Variants in SLC25A21 observed in about 807,000 individuals in gnomAD.
The protein encoded by SLC25A21 is solute carrier family 25 member 21, also known as mitochondrial 2-oxodicarboxylate carrier.
A neutral mutation model predicts 43.8 loss-of-function variants in SLC25A21; 47 were observed. The ratio of observed to expected loss-of-function variants is 1.07; its 90% CI spans 0.85 to 1.37. The LOEUF (loss-of-function observed/expected upper bound fraction) is 1.37, where lower values mean the gene tolerates loss of function less well. SLC25A21 is among the 40% of genes most tolerant of loss of function. SLC25A21 has a pLI of 0.00. For missense variants in SLC25A21, 352 were observed against 350.2 expected, an observed-to-expected ratio of 1.00 and a Z score of -0.04; for synonymous variants, 131 against 121.3, an observed-to-expected ratio of 1.08 and a Z score of -0.52.
intron 2 of SLC25A21, among the ~76,000 whole-genome samples, chr14:36,826,362 A>G (rs848069): frequency 0.96 from 146,000 of 152,188 alleles, 70,322 homozygotes; most frequent in East Asian, 1. Flanking sequence ...GCCTCACATT[A>G]CTTTTCTGGT....
intron 1 of SLC25A21, among the ~76,000 whole-genome samples, chr14:36,973,184 C>T (rs1190564279): frequency 6.6e-6 from 1 of 151,896 alleles, no homozygotes. Context: ...AGTGTTAGAG[C>T]CACATTTTAG....
At chr14:36,735,869 A>G (rs1442766072) in intron 3 of SLC25A21, among the ~76,000 whole-genome samples, 2 of 139,388 alleles carry the variant, frequency 1.4e-5, no homozygotes, top group Admixed American at 1.5e-4. Context: ...AAGCTTATGG[A>G]TCTCATAAAG....
intron 1 of SLC25A21, among the ~76,000 whole-genome samples, chr14:37,116,377 C>T (rs1290712103): frequency 6.6e-6 from 1 of 152,174 alleles, no homozygotes; most frequent in Non-Finnish European, 1.5e-5. Flanking sequence ...TCTTACAACA[C>T]TTAAGATACA....
intron 7 of SLC25A21, among the ~76,000 whole-genome samples, chr14:36,685,247 A>G (rs1882484510): frequency 6.6e-6 from 1 of 152,236 alleles, no homozygotes; most frequent in Non-Finnish European, 1.5e-5. Context: ...GTATTACTGT[A>G]TCAAAACAGG....
chr14:37,024,334 T>C (rs1961048065), intron 1 of SLC25A21, among the ~76,000 whole-genome samples: 1 of 152,126 alleles, frequency 6.6e-6, no homozygotes, highest in South Asian at 2.1e-4. Context: ...TGTCTAATGG[T>C]AGTGTCATTG....
Position 36,758,507 on chromosome 14 carries a change from G to A in SLC25A21, c.204-23934C>T, listed in dbSNP as rs1423730927. Among the ~76,000 whole-genome samples the A allele has an allele frequency of 3.3e-5, 5 of 149,572 alleles. No individual in the cohort carries two copies. In the Admixed American group the frequency reaches 3.4e-4, roughly 10 times the overall value. On this transcript the variant is annotated intron_variant, in intron 3 of 9. Coordinates refer to ENST00000331299, the MANE Select transcript of SLC25A21 (RefSeq NM_030631.4). ...AGTCAGGACTCCGGGCATGTTTGGA[G>A]ATACTGGAAAGGATTCTGTGTTGAA... is the stretch of plus-strand genomic sequence containing the variant.
At chr14:37,040,289 A>AGGG (rs1412453395) in intron 1 of SLC25A21, among the ~76,000 whole-genome samples, 1 of 49,978 alleles carries the variant, frequency 2.0e-5, no homozygotes, top group Non-Finnish European at 3.5e-5. Flanking sequence ...GAAGGAAGGA[A>AGGG]AGAGAGAGAA....
intron 3 of SLC25A21, among the ~76,000 whole-genome samples, chr14:36,813,487 G>A (rs191386145): frequency 1.6e-4 from 24 of 152,006 alleles, no homozygotes; most frequent in East Asian, 1.9e-4. Flanking sequence ...AGCCTCCCAA[G>A]CAGCTGGAAC....
intron 2 of SLC25A21, among the ~76,000 whole-genome samples, chr14:36,821,207 C>G (rs848074): frequency 1 from 152,174 of 152,288 alleles, 76,030 homozygotes; most frequent in Non-Finnish European, 1. Flanking sequence ...ATGTATGTTT[C>G]TTTCCCATTT....
chr14:36,909,260 A>C (rs1264538555), intron 1 of SLC25A21, among the ~76,000 whole-genome samples: 2 of 152,146 alleles, frequency 1.3e-5, no homozygotes, highest in Non-Finnish European at 2.9e-5. Flanking sequence ...CGCAGTTAGA[A>C]GCCTTGCACA....
chr14:36,749,778 T>C (rs760495965), intron 3 of SLC25A21, among the ~76,000 whole-genome samples: 5 of 152,178 alleles, frequency 3.3e-5, no homozygotes, highest in African/African-American at 4.8e-5. Context: ...ACTGTTCACC[T>C]CCTTCACATC....
chr14:37,070,637 T>G (rs1158492110), intron 1 of SLC25A21, among the ~76,000 whole-genome samples: 1 of 152,214 alleles, frequency 6.6e-6, no homozygotes, highest in East Asian at 1.9e-4. Context: ...CTCTGTACCC[T>G]CTCACTTTAA....
intron 1 of SLC25A21, among the ~76,000 whole-genome samples, chr14:37,027,256 T>G (rs1329393992): frequency 2.0e-5 from 1 of 49,084 alleles, no homozygotes; most frequent in African/African-American, 4.7e-4. Flanking sequence ...AATACATCTA[T>G]TATCTAGCTA....
intron 1 of SLC25A21, among the ~76,000 whole-genome samples, chr14:36,885,203 T>C (rs572300970): frequency 1.3e-5 from 2 of 152,340 alleles, no homozygotes; most frequent in African/African-American, 4.8e-5. Flanking sequence ...TTCCCAACAC[T>C]ATTTATTGAA....
At chr14:36,844,009 C>T (rs965674865) in intron 2 of SLC25A21, among the ~76,000 whole-genome samples, 1 of 152,140 alleles carries the variant, frequency 6.6e-6, no homozygotes, top group African/African-American at 2.4e-5. Context: ...CAAAATGCTT[C>T]CTTACCATTT....
chr14:36,953,020 A>C (rs1161667652), intron 1 of SLC25A21, among the ~76,000 whole-genome samples: 1 of 152,160 alleles, frequency 6.6e-6, no homozygotes, highest in African/African-American at 2.4e-5. Flanking sequence ...TCATTTTGCT[A>C]TTCTACCTCT....
intron 1 of SLC25A21, among the ~76,000 whole-genome samples, chr14:37,137,182 A>ATTT (rs1963496517): frequency 1.3e-5 from 2 of 151,892 alleles, no homozygotes; most frequent in Admixed American, 6.6e-5. Context: ...TATTTTTAGT[A>ATTT]GAGACGGGGT....
chr14:37,145,743 T>C (rs1414936325), intron 1 of SLC25A21, among the ~76,000 whole-genome samples: 1 of 152,092 alleles, frequency 6.6e-6, no homozygotes. Flanking sequence ...AATCAGATAC[T>C]CTATACTTCT....
chr14:36,779,629 T>C (rs895168910), intron 3 of SLC25A21, among the ~76,000 whole-genome samples: 2 of 143,090 alleles, frequency 1.4e-5, no homozygotes, highest in African/African-American at 2.6e-5. Context: ...TATATATATA[T>C]ATATATATAT....
Sources: gnomAD v4.1 joint callset for allele counts (sites outside exome capture counted in the v4.1 genomes callset) on GRCh38, gnomAD v4.1.1 for gene constraint, MANE v1.5 for transcripts, NCBI Gene and HGNC (gene_info 2026-07-23, HGNC 2026-07-21) for gene names.